Variants in COLEC12 observed in about 807,000 individuals in gnomAD.
COLEC12 encodes collectin subfamily member 12, also known as collectin-12.
COLEC12 carries 33 observed loss-of-function variants against 71.1 expected under a neutral mutation model. That is an observed-to-expected ratio of 0.46 (90% CI 0.35 to 0.62). The LOEUF (loss-of-function observed/expected upper bound fraction) is 0.62, where lower values mean the gene tolerates loss of function less well. Ranked by LOEUF, COLEC12 falls within the 20% of genes least tolerant of loss-of-function variation. The pLI, the probability that COLEC12 is intolerant of heterozygous loss-of-function variation, is 0.00. For missense variants in COLEC12, 765 were observed against 916.1 expected (o/e 0.84, Z 2.13); for synonymous variants, 350 against 353.0 (o/e 0.99, Z 0.10).
At chr18:402,060 G>A (rs1202659406) in intron 2 of COLEC12, among the ~76,000 whole-genome samples, 5 of 152,180 alleles carry the variant, frequency 3.3e-5, no homozygotes, top group Non-Finnish European at 7.3e-5. Context: ...TATCGGTTGA[G>A]GGTAGTTGTC....
chr18:467,468 T>A (rs9949735), intron 2 of COLEC12, among the ~76,000 whole-genome samples: 4,025 of 152,324 alleles, frequency 0.026, 168 homozygotes, highest in African/African-American at 0.092. Flanking sequence ...TTTTCCTCTG[T>A]TGGTAACTGG....
chr18:363,052 C>T (rs1897224133), intron 2 of COLEC12, among the ~76,000 whole-genome samples: 1 of 152,024 alleles, frequency 6.6e-6, no homozygotes, highest in Non-Finnish European at 1.5e-5. Context: ...ATGGGGGCTG[C>T]TGATCAGTGA....
intron 2 of COLEC12, among the ~76,000 whole-genome samples, chr18:451,825 G>T (rs910523600): frequency 1.3e-5 from 2 of 152,142 alleles, no homozygotes; most frequent in African/African-American, 4.8e-5. Flanking sequence ...AAAATTTGCA[G>T]CCTGGCCATG....
intron 2 of COLEC12, among the ~76,000 whole-genome samples, chr18:440,360 AACACACAC>A (rs77004542): frequency 8.4e-6 from 1 of 118,746 alleles, no homozygotes; most frequent in Non-Finnish European, 1.7e-5. Context: ...AAATGTTCTC[AACACACAC>A]ACACACACAT....
intron 2 of COLEC12, among the ~76,000 whole-genome samples, chr18:472,021 A>G (rs1917208730): frequency 6.6e-6 from 1 of 152,204 alleles, no homozygotes; most frequent in African/African-American, 2.4e-5. Context: ...TTTTCATAAT[A>G]CATACATTAC....
intron 2 of COLEC12, among the ~76,000 whole-genome samples, chr18:376,417 G>A (rs1431187373): frequency 2.6e-5 from 4 of 152,210 alleles, no homozygotes; most frequent in Non-Finnish European, 2.9e-5. Context: ...AGGAAAAGAG[G>A]TAGAGCAGAG....
intron 2 of COLEC12, among the ~76,000 whole-genome samples, chr18:427,696 T>G (rs1916224029): frequency 6.6e-6 from 1 of 151,530 alleles, no homozygotes; most frequent in African/African-American, 2.4e-5. Context: ...TCATAACCGG[T>G]CCTCAAATGT....
chr18:475,472 T>C (rs1917286840), intron 2 of COLEC12, among the ~76,000 whole-genome samples: 1 of 152,102 alleles, frequency 6.6e-6, no homozygotes, highest in African/African-American at 2.4e-5. Flanking sequence ...AATTAGAAGA[T>C]GAAGCCAGGC....
chr18:346,476 C>T lies in COLEC12; in HGVS notation c.1146G>A (p.Leu382=), dbSNP rs564775391. The T allele has an allele frequency of 6.2e-7, 1 of 1,614,134 alleles. No individual in the cohort carries two copies. The highest frequency in any genetic ancestry group is 2.2e-5 in the East Asian group (1 of 44,874). ...TDTLTKHTDD[L]TSLNNTLANI... ...TGGCCAGGGTATTATTCAAGGAGGT[C>T]AGATCATCTGTGTGTTTGGTAAGGG... The change falls in exon 5 of 10, where the codon CTG becomes CTA. Residue 382 remains leucine, a synonymous_variant. Transcript: ENST00000400256. This position sits in a 1 kb window ranked among gnomAD's most constrained non-coding sequence, Gnocchi z 4.0.
At chr18:392,464 T>A (rs1295829834) in intron 2 of COLEC12, among the ~76,000 whole-genome samples, 1 of 152,214 alleles carries the variant, frequency 6.6e-6, no homozygotes, top group Non-Finnish European at 1.5e-5. Flanking sequence ...ACATACTGGA[T>A]GGGAATATAG....
chr18:464,777 A>G (rs1917053052), intron 2 of COLEC12, among the ~76,000 whole-genome samples: 1 of 152,376 alleles, frequency 6.6e-6, no homozygotes, highest in East Asian at 1.9e-4. Flanking sequence ...ATACTGTTCA[A>G]TCTCATCCAA....
At chr18:352,450 T>G (rs937777360) in intron 3 of COLEC12, among the ~76,000 whole-genome samples, 1 of 152,098 alleles carries the variant, frequency 6.6e-6, no homozygotes. Context: ...AGAACTGTCA[T>G]GGACAGATAA....
At chr18:364,082 A>C (rs939896748) in intron 2 of COLEC12, among the ~76,000 whole-genome samples, 9 of 152,232 alleles carry the variant, frequency 5.9e-5, no homozygotes, top group Non-Finnish European at 1.2e-4. Flanking sequence ...ACTTACATTC[A>C]AATTCTGTGC....
At position 483,229 on chromosome 18, in the gene COLEC12, A is replaced by G. The variant is rs1286420034; in HGVS notation, c.8-2472T>C. On this transcript the variant is annotated intron_variant, in intron 1 of 9. Transcript: ENST00000400256. The stretch of plus-strand genomic sequence containing the variant: ...AGCCTGGCCAACATGGCGAAACCCC[A>G]TCTCTACTAAAAATATAAAAATTAG... Among the ~76,000 whole-genome samples, 4 of 151,874 alleles carry G rather than the reference A, an allele frequency of 2.6e-5. No homozygotes were observed. The East Asian group carries it at 7.8e-4, about 30-fold the overall frequency.
chr18:439,991 G>GCACACA (rs59854051), intron 2 of COLEC12, among the ~76,000 whole-genome samples: 1 of 150,346 alleles, frequency 6.7e-6, no homozygotes, highest in African/African-American at 2.4e-5. Flanking sequence ...GTGTATGAAT[G>GCACACA]CACACACACA....
intron 2 of COLEC12, among the ~76,000 whole-genome samples, chr18:479,800 C>T (rs1226724823): frequency 6.6e-6 from 1 of 151,856 alleles, no homozygotes; most frequent in Non-Finnish European, 1.5e-5. Flanking sequence ...CCTGCGGCTG[C>T]TGTAAAAGGT....
At chr18:436,476 T>C (rs563400595) in intron 2 of COLEC12, among the ~76,000 whole-genome samples, 7 of 115,552 alleles carry the variant, frequency 6.1e-5, no homozygotes, top group East Asian at 6.1e-4. Flanking sequence ...GATCATGCCA[T>C]TGCACTCCAG....
intron 2 of COLEC12, among the ~76,000 whole-genome samples, chr18:430,615 G>A (rs1037775709): frequency 1.3e-5 from 2 of 152,046 alleles, no homozygotes; most frequent in African/African-American, 4.8e-5. Flanking sequence ...TATAAATCCA[G>A]CCTACTATCT....
intron 2 of COLEC12, among the ~76,000 whole-genome samples, chr18:448,265 T>C (rs768919429): frequency 9.2e-5 from 14 of 152,216 alleles, no homozygotes; most frequent in Non-Finnish European, 1.6e-4. Context: ...TGGGGTTGAA[T>C]AGATAAAACA....
Sources: gnomAD v4.1 joint callset for allele counts (sites outside exome capture counted in the v4.1 genomes callset) on GRCh38, gnomAD v4.1.1 for gene constraint, Gnocchi (gnomAD v3.1) non-coding constraint, MANE v1.5 for transcripts, NCBI Gene and HGNC (gene_info 2026-07-23, HGNC 2026-07-21) for gene names.